Variants in IL18RAP observed in about 807,000 individuals in gnomAD.
The protein encoded by IL18RAP is interleukin 18 receptor accessory protein.
A neutral mutation model predicts 58.1 loss-of-function variants in IL18RAP; 37 were observed. The ratio of observed to expected loss-of-function variants is 0.64; its 90% confidence interval spans 0.49 to 0.84. The LOEUF (loss-of-function observed/expected upper bound fraction) is 0.84, where lower values mean the gene tolerates loss of function less well. Among genes scored for constraint, IL18RAP ranks in the 40% least tolerant of loss-of-function variants. The pLI, the probability that IL18RAP is intolerant of heterozygous loss-of-function variation, is 0.00. For missense variants in IL18RAP, 667 were observed against 704.8 expected (o/e 0.95, Z 0.61); for synonymous variants, 268 against 257.5 (o/e 1.04, Z -0.39).
At chr2:102,420,934 T>A (rs139338068), upstream of IL18RAP, among the ~76,000 whole-genome samples, 366 of 152,330 alleles carry the variant, frequency 2.4e-3, 2 homozygotes, top group African/African-American at 8.4e-3. Flanking sequence ...TTACTAATTG[T>A]TCATTTGGCA....
chr2:102,431,356 T>C (rs1682342221), intron 3 of IL18RAP, among the ~76,000 whole-genome samples: 1 of 152,254 alleles, frequency 6.6e-6, no homozygotes, highest in African/African-American at 2.4e-5. Context: ...ATTCTTTCTT[T>C]GTCTTTGAAT....
intron 3 of IL18RAP, among the ~76,000 whole-genome samples, chr2:102,429,727 A>G (rs553878318): frequency 6.6e-6 from 1 of 151,970 alleles, no homozygotes; most frequent in Non-Finnish European, 1.5e-5. Context: ...TTCCCTCAGG[A>G]CTGCTTTCGC....
At chr2:102,429,283 T>C (rs1682177479) in intron 3 of IL18RAP, among the ~76,000 whole-genome samples, 1 of 151,958 alleles carries the variant, frequency 6.6e-6, no homozygotes, top group South Asian at 2.1e-4. Flanking sequence ...TCTGTTTCTT[T>C]ATGATCCAAT....
chr2:102,451,944 G>A lies in IL18RAP; in HGVS notation c.1563G>A (p.Glu521=), dbSNP rs540633615. 1.2e-6 allele frequency: 2 copies of A among 1,614,152 alleles called. No individual in the cohort carries two copies. The highest frequency in any genetic ancestry group is 1.3e-5 in the African/African-American group (1 of 75,024). The change falls in exon 10 of 10, where the codon GAG becomes GAA. Residue 521 remains glutamate (E), a synonymous_variant. Transcript: ENST00000687160. ...AGTTCTGTTACTTCCAAGAGCCAGA[G>A]TCTCTACCTCATCTCGTGAAAAAAG... ...LIKFCYFQEP[E]SLPHLVKKAL... is the part of the protein sequence containing the mutation.
At chr2:102,437,455 A>G (rs1682824935) in intron 4 of IL18RAP, 93 bp downstream of exon 4, 5 of 1,270,586 alleles carry the variant, frequency 3.9e-6, no homozygotes, top group Non-Finnish European at 5.5e-6. Flanking sequence ...TTAGGGAAAG[A>G]AAAGGATAGT....
upstream of IL18RAP, among the ~76,000 whole-genome samples, chr2:102,420,381 AATAAGGGTTTCGGGTGATTCTT>A (rs1332472059): frequency 6.2e-4 from 94 of 152,312 alleles, 1 homozygote; most frequent in Non-Finnish European, 1.9e-4. Context: ...CTGCATTTGT[AATAAGGGTTTCGGGTGATTCTT>A]ATAATCAAGA....
At chr2:102,430,914 T>C (rs1430775160) in intron 3 of IL18RAP, among the ~76,000 whole-genome samples, 2 of 152,180 alleles carry the variant, frequency 1.3e-5, no homozygotes, top group African/African-American at 4.8e-5. Context: ...GCTAGGATTG[T>C]TTTTATTAGT....
rs10168308 is a variant in IL18RAP at position 102,447,458 on chromosome 2, G to A, written c.1210+251G>A. Among the ~76,000 whole-genome samples the A allele has an allele frequency of 5.4e-3, 828 of 152,284 alleles. 17 individuals are homozygous for A. Among genetic ancestry groups the A allele is most frequent in the African/African-American group, 0.019 (795 of 41,554 alleles). ...TCCAGGTCTAGTGACCTTACACTGA[G>A]GAAGGCTGGAGAAACAATTATTTTT... On this transcript the variant is annotated intron_variant, in intron 8 of 9. Coordinates refer to ENST00000687160, the MANE Select transcript of IL18RAP (RefSeq NM_001393487.1).
At chr2:102,432,555 G>A (rs899545070) in intron 3 of IL18RAP, among the ~76,000 whole-genome samples, 67 of 152,314 alleles carry the variant, frequency 4.4e-4, no homozygotes, top group Middle Eastern at 3.4e-3. Flanking sequence ...AATTTGGGAT[G>A]GGCAGGGGGA....
chr2:102,424,774 G>A (rs535450992), intron 3 of IL18RAP, among the ~76,000 whole-genome samples: 1 of 152,258 alleles, frequency 6.6e-6, no homozygotes, highest in East Asian at 1.9e-4. Flanking sequence ...GGGAAGGGAG[G>A]ACTCAACACA....
intron 3 of IL18RAP, 35 bp downstream of exon 3, chr2:102,424,449 A>T (rs1176397299): frequency 1.3e-6 from 2 of 1,561,576 alleles, no homozygotes; most frequent in East Asian, 2.2e-5. Context: ...ATATAAGAGC[A>T]TTGTTTTTAT....
intron 3 of IL18RAP, among the ~76,000 whole-genome samples, chr2:102,425,496 A>G (rs1338104557): frequency 2.0e-5 from 3 of 152,102 alleles, no homozygotes; most frequent in South Asian, 2.1e-4. Flanking sequence ...GTGTTTTTAT[A>G]TGACACTGAA....
At chr2:102,441,204 C>A in intron 4 of IL18RAP, 108 bp from the exon 5 acceptor site, 2 of 779,210 alleles carry the variant, frequency 2.6e-6, no homozygotes, top group Non-Finnish European at 4.2e-6. Flanking sequence ...AATGTGAAGA[C>A]AGAGCTCCAA....
chr2:102,450,383 G>A (rs1310622625), intron 8 of IL18RAP, among the ~76,000 whole-genome samples: 6 of 152,060 alleles, frequency 3.9e-5, no homozygotes. Context: ...TACATATGGG[G>A]ATTCACATAT....
chr2:102,446,390 G>C (rs1053637386), intron 7 of IL18RAP, among the ~76,000 whole-genome samples: 4 of 151,830 alleles, frequency 2.6e-5, no homozygotes, highest in Admixed American at 2.6e-4. Context: ...TGAGATTTTG[G>C]CATACCCGTC....
chr2:102,446,920 A>G (rs989135725), intron 7 of IL18RAP, 150 bp from the exon 8 acceptor site: 3 of 837,192 alleles, frequency 3.6e-6, no homozygotes, highest in Non-Finnish European at 5.6e-6. Flanking sequence ...AGAGGTTTCC[A>G]GATTCACAAA....
intron 6 of IL18RAP, among the ~76,000 whole-genome samples, chr2:102,444,549 C>T (rs1322535390): frequency 6.6e-6 from 1 of 152,226 alleles, no homozygotes; most frequent in Non-Finnish European, 1.5e-5. Flanking sequence ...CAGAGCAACA[C>T]AGCCTAAAAC....
At chr2:102,430,717 C>T (rs1167905803) in intron 3 of IL18RAP, among the ~76,000 whole-genome samples, 1 of 152,078 alleles carries the variant, frequency 6.6e-6, no homozygotes, top group Non-Finnish European at 1.5e-5. Context: ...TGTGCCACTA[C>T]TACACGTTTT....
At chr2:102,439,859 G>C (rs986478186) in intron 4 of IL18RAP, 1 of 152,198 alleles carries the variant, frequency 6.6e-6, no homozygotes, top group Non-Finnish European at 1.5e-5. Flanking sequence ...CTGGAGATGT[G>C]AATGTGAAGA....
Sources: allele counts gnomAD v4.1 joint callset (sites outside exome capture counted in the v4.1 genomes callset), GRCh38; gene constraint gnomAD v4.1.1; transcripts MANE v1.5; gene names NCBI Gene and HGNC (gene_info 2026-07-23, HGNC 2026-07-21).